Variants in DNAH5 observed in about 807,000 individuals in gnomAD.
The protein encoded by DNAH5 is axonemal beta dynein heavy chain 5.
DNAH5 carries 372 observed loss-of-function variants against 518.2 expected under a neutral mutation model. The observed-to-expected ratio is 0.72, with a 90% CI of 0.66 to 0.78. DNAH5 has a LOEUF of 0.78. DNAH5 is among the 30% of genes least tolerant of loss of function. The pLI is 0.00. For missense variants in DNAH5, 5,523 were observed against 5,687.0 expected (o/e 0.97, Z 0.93); for synonymous variants, 2,039 against 2,025.9 (o/e 1.01, Z -0.17).
At chr5:13,982,359 C>T (rs981929478) in intron 1 of DNAH5, among the ~76,000 whole-genome samples, 1 of 140,948 alleles carries the variant, frequency 7.1e-6, no homozygotes, top group Non-Finnish European at 1.6e-5. Flanking sequence ...CGCATTATTG[C>T]ATGAGTGAGT....
intron 21 of DNAH5, among the ~76,000 whole-genome samples, chr5:13,877,760 C>T (rs1250885002): frequency 1.3e-5 from 2 of 152,174 alleles, no homozygotes; most frequent in Non-Finnish European, 2.9e-5. Context: ...ACATGTATCA[C>T]CATAACTCTT....
chr5:13,815,515 T>C (rs972581563), intron 42 of DNAH5, among the ~76,000 whole-genome samples: 1 of 152,132 alleles, frequency 6.6e-6, no homozygotes, highest in African/African-American at 2.4e-5. Context: ...ACTGCAACCA[T>C]GAAGAAAGCC....
rs567459324 is a variant in DNAH5 at position 13,812,249 on chromosome 5, A to G, written c.7231-426T>C. ...AAAATGAGAAGGCACATATATGGAAATAACTCAGGGGGGAAAAGTAAAGAA... is the reference window on the plus strand; with the variant it reads ...AAAATGAGAAGGCACATATATGGAAGTAACTCAGGGGGGAAAAGTAAAGAA... On this transcript the variant is annotated intron_variant, in intron 43 of 78. Transcript: ENST00000265104. Among the ~76,000 whole-genome samples the G allele has an allele frequency of 2.8e-4, 43 of 152,330 alleles. 1 individual carries two copies. The highest frequency in any genetic ancestry group is 1.0e-3 in the African/African-American group (43 of 41,568).
At chr5:13,711,721 T>C (rs1743497878) in intron 75 of DNAH5, among the ~76,000 whole-genome samples, 2 of 152,160 alleles carry the variant, frequency 1.3e-5, no homozygotes, top group Admixed American at 6.5e-5. Flanking sequence ...AGCTCTTCTA[T>C]ACCAACAGTG....
intron 19 of DNAH5, 141 bp downstream of exon 19, chr5:13,884,848 T>C: frequency 7.4e-7 from 1 of 1,343,940 alleles, no homozygotes; most frequent in Non-Finnish European, 1.0e-6. Context: ...AAAATAAAAA[T>C]TTAAAAAAAG....
intron 15 of DNAH5, chr5:13,898,007 G>A (rs1197094213): frequency 2.6e-5 from 4 of 152,350 alleles, no homozygotes; most frequent in African/African-American, 7.2e-5. Context: ...CTCCATACTG[G>A]AAGGCCATGT....
chr5:13,989,552 C>T (rs1215785467), intron 1 of DNAH5, among the ~76,000 whole-genome samples: 2 of 148,376 alleles, frequency 1.3e-5, no homozygotes, highest in African/African-American at 2.5e-5. Flanking sequence ...GGCGCGATCT[C>T]GGCTCACTGC....
chr5:13,871,125 T>C (rs551248100), intron 23 of DNAH5, 123 bp from the exon 24 acceptor site: 139 of 699,536 alleles, frequency 2.0e-4, no homozygotes, highest in East Asian at 1.7e-3. Context: ...CCACAAAAAA[T>C]TGAACTGGAA....
At chr5:13,873,641 C>G (rs963929475) in intron 22 of DNAH5, among the ~76,000 whole-genome samples, 3 of 151,434 alleles carry the variant, frequency 2.0e-5, no homozygotes, top group Non-Finnish European at 2.9e-5. Context: ...AAAATTTTGT[C>G]TTTTTTTATT....
In DNAH5 at chr5:13,793,974, C is replaced by A. The variant is rs1421559911; in HGVS notation, c.7972G>T (p.Asp2658Tyr). The A allele has an allele frequency of 2.5e-6, 4 of 1,613,870 alleles. 1 individual carries two copies. Among genetic ancestry groups the A allele is most frequent in the Middle Eastern group, 3.3e-4 (2 of 6,084 alleles). ...AGKKMTVFID[D>Y]VNMPIINEWG... ...TCATTGATTATTGGCATATTCACAT[C>A]ATCAATAAAAACAGTCATCTTCTTT... The change falls in exon 48 of 79, where the codon GAT (aspartate) becomes TAT (tyrosine). Residue 2658 changes from aspartate to tyrosine, a missense_variant. Asp to Tyr is a radical substitution (Grantham distance 160, BLOSUM62 -3). Around this residue, in one of 3 missense-constraint regions of DNAH5, gnomAD observed 5,121 missense variants for 5,223.3 expected, o/e 0.98. Coordinates refer to ENST00000265104, the MANE Select transcript of DNAH5 (RefSeq NM_001369.3).
chr5:13,762,447 T>C (rs901578013), intron 60 of DNAH5, among the ~76,000 whole-genome samples: 2 of 152,056 alleles, frequency 1.3e-5, no homozygotes, highest in African/African-American at 4.8e-5. Flanking sequence ...GTTAACATTG[T>C]GGAGGAAAAA....
chr5:13,963,470 C>T (rs1486923903), intron 1 of DNAH5, among the ~76,000 whole-genome samples: 29 of 151,766 alleles, frequency 1.9e-4, no homozygotes, highest in African/African-American at 6.3e-4. Flanking sequence ...CCCAGCTACT[C>T]GGGAGGCTGA....
chr5:13,966,202 T>A (rs1781514633), intron 1 of DNAH5, among the ~76,000 whole-genome samples: 1 of 142,456 alleles, frequency 7.0e-6, no homozygotes, highest in Non-Finnish European at 1.6e-5. Flanking sequence ...TATTCCATGG[T>A]GTGTGTGTGT....
At position 13,810,161 on chromosome 5, in the gene DNAH5, G is replaced by A. The variant is rs892334210; in HGVS notation, c.7507C>T (p.Arg2503Cys). 9 of 1,548,184 alleles carry A rather than the reference G, an allele frequency of 5.8e-6. No homozygotes were observed. The highest frequency in any genetic ancestry group is 2.4e-5 in the East Asian group (1 of 40,844). ...CGAGAGCGCAGCCAGAGCTCCAGGC[G>A]GCGCCGTCCGTCCAGCTCCAGCGCC... Reference protein sequence around the residue: ...GAALELDGRRRLELWLRSRPT... With the variant: ...GAALELDGRRCLELWLRSRPT... Residue 2503 changes from arginine (R) to cysteine (C), a missense_variant, in exon 45 of 79, where the codon CGC (arginine) becomes TGC (cysteine). Physicochemically the swap from Arg to Cys is radical, Grantham distance 180. This residue lies in a region of DNAH5 where 5,121 missense variants were observed against 5,223.3 expected (regional missense o/e 0.98). Transcript: ENST00000265104.
At chr5:13,906,136 A>G (rs2151969590) in intron 12 of DNAH5, among the ~76,000 whole-genome samples, 1 of 152,330 alleles carries the variant, frequency 6.6e-6, no homozygotes, top group Middle Eastern at 3.4e-3. Flanking sequence ...AGCACAGGGG[A>G]CTTTTCGGTA....
intron 61 of DNAH5, among the ~76,000 whole-genome samples, chr5:13,757,742 A>G (rs1007474140): frequency 7.2e-5 from 11 of 152,230 alleles, no homozygotes; most frequent in Non-Finnish European, 1.5e-5. Context: ...GGACATGAAC[A>G]GACATTTTTC....
At position 13,872,147 on chromosome 5, in the gene DNAH5, C is replaced by T. The variant is rs73746945; in HGVS notation, c.3397-382G>A. Among the ~76,000 whole-genome samples the T allele has an allele frequency of 7.8e-3, 1,186 of 152,222 alleles. 16 individuals carry two copies. Among genetic ancestry groups the T allele is most frequent in the African/African-American group, 0.027 (1,127 of 41,542 alleles). On this transcript the variant is annotated intron_variant, in intron 22 of 78. Transcript: ENST00000265104. ...TACTCTGAGGTCATTCTCCTCTTTC[C>T]CCCCTCCCCTCAGATCTCCTCCAAG...
chr5:13,893,575 G>T (rs1486654101), intron 16 of DNAH5, among the ~76,000 whole-genome samples: 1 of 151,732 alleles, frequency 6.6e-6, no homozygotes, highest in South Asian at 2.1e-4. Flanking sequence ...CTTCTTCACA[G>T]AATCCATAAA....
chr5:13,825,347 AAAT>A (rs1762761916), intron 38 of DNAH5, among the ~76,000 whole-genome samples: 1 of 120,548 alleles, frequency 8.3e-6, no homozygotes, highest in Non-Finnish European at 1.7e-5. Flanking sequence ...GTCTTGCAAA[AAAT>A]AAATAAATAA....
Sources: allele counts gnomAD v4.1 joint callset (sites outside exome capture counted in the v4.1 genomes callset), GRCh38; gene constraint gnomAD v4.1.1; regional missense constraint gnomAD v4.1.1; transcripts MANE v1.5; gene names NCBI Gene and HGNC (gene_info 2026-07-23, HGNC 2026-07-21).